ZNF782: variants seen among roughly 807,000 people sequenced by gnomAD.
The protein encoded by ZNF782 is zinc finger protein 782.
ZNF782 carries 12 observed loss-of-function variants against 13.0 expected under a neutral mutation model. That is an observed-to-expected ratio of 0.92 (90% confidence interval 0.59 to 1.50). The LOEUF is 1.50. ZNF782 is among the 40% of genes most tolerant of loss of function. ZNF782 has a pLI of 0.00. For synonymous variants in ZNF782, 284 were observed against 283.0 expected, an observed-to-expected ratio of 1.00 and a Z score of -0.04; for missense variants, 770 against 822.9, an observed-to-expected ratio of 0.94 and a Z score of 0.79.
chr9:96,879,946 T>A (rs903180563), upstream of ZNF782, among the ~76,000 whole-genome samples: 3 of 152,220 alleles, frequency 2.0e-5, no homozygotes, highest in African/African-American at 7.2e-5. Flanking sequence ...GATAGACTTA[T>A]TTTTTCCTTT....
At chr9:96,908,404 A>G in the ZNF782 span, among the ~76,000 whole-genome samples, 4 of 152,384 alleles carry the variant, frequency 2.6e-5, no homozygotes, top group Admixed American at 6.5e-5. Context: ...GAATGAAGAT[A>G]TAACTTTCTT....
At chr9:96,857,136 G>A (rs1851653447), upstream of ZNF782, among the ~76,000 whole-genome samples, 1 of 152,174 alleles carries the variant, frequency 6.6e-6, no homozygotes, top group Admixed American at 6.5e-5. Context: ...GTTCCCATCT[G>A]CCTACCAGCT....
At position 96,818,938 on chromosome 9, in the gene ZNF782, C is replaced by T. The variant is rs750480888; in HGVS notation, c.1085G>A (p.Arg362Lys). The T allele has an allele frequency of 4.3e-6, 7 of 1,614,146 alleles. No homozygotes were observed. The highest frequency in any genetic ancestry group is 1.7e-5 in the Admixed American group (1 of 60,010). Residue 362 changes from arginine to lysine, a missense_variant, in exon 6 of 6, where the codon AGG becomes AAG. Coordinates refer to ENST00000481138, the MANE Select transcript of ZNF782 (RefSeq NM_001001662.3). ...TTCATTATACTCATAGGGTTTTGCC[C>T]TTATGTGAACCTTCTGATGTACACT... ...TFSVHQKVHI[R>K]AKPYEYNECG...
the ZNF782 span, among the ~76,000 whole-genome samples, chr9:96,884,281 C>T: frequency 6.6e-6 from 1 of 152,188 alleles, no homozygotes. Context: ...CACCCCCACC[C>T]AGCAGCAATG....
chr9:96,818,151 T>C lies in ZNF782; in HGVS notation c.1872A>G (p.Gly624=). 1 of 1,613,830 alleles carries C rather than the reference T, an allele frequency of 6.2e-7. No homozygotes were observed. The highest frequency in any genetic ancestry group is 1.1e-5 in the South Asian group (1 of 91,044). Residue 624 remains glycine (G), a synonymous_variant, in exon 6 of 6, where the codon GGA becomes GGG. Coordinates refer to ENST00000481138, the MANE Select transcript of ZNF782 (RefSeq NM_001001662.3). ...GEKPYECNEC[G]KAFSEKSVLR... is the part of the protein sequence containing the mutation. ...GGACTGACTTCTCACTGAAAGCTTTTCCACATTCATTACATTCATAGGGCT... is the reference window on the plus strand; with the variant it reads ...GGACTGACTTCTCACTGAAAGCTTTCCCACATTCATTACATTCATAGGGCT...
chr9:96,914,064 G>A, the ZNF782 span, among the ~76,000 whole-genome samples: 2 of 151,642 alleles, frequency 1.3e-5, no homozygotes, highest in African/African-American at 4.8e-5. Context: ...GGTGATTAGG[G>A]GACGAGTAAT....
At chr9:96,872,579 A>G (rs1279530326) in intron 1 of ZNF782, among the ~76,000 whole-genome samples, 2 of 152,162 alleles carry the variant, frequency 1.3e-5, no homozygotes, top group African/African-American at 4.8e-5. Context: ...TTCTATTCAC[A>G]TAGTGTTACA....
At chr9:96,920,443 T>C in the ZNF782 span, among the ~76,000 whole-genome samples, 1 of 149,134 alleles carries the variant, frequency 6.7e-6, no homozygotes, top group East Asian at 2.1e-4. Flanking sequence ...ATTTTTTGTA[T>C]TTTTAGTAGA....
chr9:96,884,936 C>T, the ZNF782 span, among the ~76,000 whole-genome samples: 1 of 151,816 alleles, frequency 6.6e-6, no homozygotes, highest in African/African-American at 2.4e-5. Context: ...AAAAAAATAA[C>T]AGACACTAAC....
At chr9:96,866,735 C>T (rs975804554) in intron 1 of ZNF782, among the ~76,000 whole-genome samples, 1 of 152,228 alleles carries the variant, frequency 6.6e-6, no homozygotes, top group East Asian at 1.9e-4. Flanking sequence ...GGGGGTTATA[C>T]CCTGCAAAGC....
chr9:96,915,347 G>C, the ZNF782 span, among the ~76,000 whole-genome samples: 1 of 151,814 alleles, frequency 6.6e-6, no homozygotes, highest in Non-Finnish European at 1.5e-5. Context: ...ACACAGGGTA[G>C]AGCTGTTGTA....
the ZNF782 span, among the ~76,000 whole-genome samples, chr9:96,883,801 G>A: frequency 6.6e-6 from 1 of 152,156 alleles, no homozygotes; most frequent in Non-Finnish European, 1.5e-5. Flanking sequence ...GGAAGAAGAT[G>A]GGCTGTCCAG....
At chr9:96,822,146 T>C (rs535297000) in intron 5 of ZNF782, among the ~76,000 whole-genome samples, 18 of 152,338 alleles carry the variant, frequency 1.2e-4, no homozygotes, top group African/African-American at 4.1e-4. Flanking sequence ...TCAGACTCAA[T>C]GCTAACCTAC....
the ZNF782 span, chr9:96,910,147 G>C: frequency 4.9e-6 from 4 of 816,444 alleles, no homozygotes; most frequent in Admixed American, 7.2e-5. Flanking sequence ...AGGAAGTTGT[G>C]AAAGAGGCGG....
the ZNF782 span, among the ~76,000 whole-genome samples, chr9:96,886,718 T>C: frequency 6.7e-6 from 1 of 149,486 alleles, no homozygotes; most frequent in Non-Finnish European, 1.5e-5. Context: ...AGGTCAGGAG[T>C]TGGAGACAAG....
At chr9:96,854,965 T>C (rs553553992), upstream of ZNF782, among the ~76,000 whole-genome samples, 2 of 152,184 alleles carry the variant, frequency 1.3e-5, no homozygotes, top group Non-Finnish European at 2.9e-5. Context: ...TGAAATGATA[T>C]AACTTTGAAT....
intron 5 of ZNF782, among the ~76,000 whole-genome samples, chr9:96,826,029 G>C (rs1281715401): frequency 1.2e-4 from 19 of 152,166 alleles, no homozygotes; most frequent in African/African-American, 2.9e-4. Context: ...TACCATTTGA[G>C]CCAGCCATCC....
chr9:96,901,869 C>CAA, the ZNF782 span, among the ~76,000 whole-genome samples: 6 of 59,532 alleles, frequency 1.0e-4, no homozygotes, highest in South Asian at 1.1e-3. Flanking sequence ...AACTCTGTCT[C>CAA]AAAAAAAAAA....
At chr9:96,834,181 G>A (rs965666447) in intron 4 of ZNF782, among the ~76,000 whole-genome samples, 3 of 152,178 alleles carry the variant, frequency 2.0e-5, no homozygotes, top group South Asian at 2.1e-4. Context: ...GTCATGGGAC[G>A]GACCAGGTGG....
Sources: gnomAD v4.1 joint callset for allele counts (sites outside exome capture counted in the v4.1 genomes callset) on GRCh38, gnomAD v4.1.1 for gene constraint, MANE v1.5 for transcripts, NCBI Gene and HGNC (gene_info 2026-07-23, HGNC 2026-07-21) for gene names.